Variants in ACVR2A observed in about 807,000 individuals in gnomAD.
The protein encoded by ACVR2A is activin A receptor type 2A, also known as activin receptor type-2A.
ACVR2A carries 7 observed loss-of-function variants against 61.4 expected under a neutral mutation model. The ratio of observed to expected loss-of-function variants is 0.11; its 90% CI spans 0.06 to 0.21. ACVR2A has a LOEUF of 0.21. Ranked by LOEUF, ACVR2A falls within the 10% of genes least tolerant of loss-of-function variation. The pLI is 1.00. For missense variants in ACVR2A, 322 were observed against 621.7 expected, an observed-to-expected ratio of 0.52 and a Z score of 5.13; for synonymous variants, 193 against 208.3, an observed-to-expected ratio of 0.93 and a Z score of 0.63.
intron 1 of ACVR2A, among the ~76,000 whole-genome samples, chr2:147,866,153 CAG>C (rs984395178): frequency 1.2e-4 from 19 of 152,142 alleles, no homozygotes; most frequent in South Asian, 4.2e-4. Flanking sequence ...ACTGAGAAAA[CAG>C]GGGAGTTAAT....
intron 1 of ACVR2A, among the ~76,000 whole-genome samples, chr2:147,869,440 G>T (rs1270917944): frequency 6.6e-6 from 1 of 152,078 alleles, no homozygotes; most frequent in South Asian, 2.1e-4. Context: ...GTTTAAATGT[G>T]GTGTTGTCAA....
intron 1 of ACVR2A, among the ~76,000 whole-genome samples, chr2:147,846,957 G>C (rs765273889): frequency 6.6e-6 from 1 of 152,046 alleles, no homozygotes; most frequent in Non-Finnish European, 1.5e-5. Flanking sequence ...GGTTATTCTT[G>C]AGCAGTCTCA....
At chr2:147,888,933 T>C (rs1489433468) in intron 1 of ACVR2A, among the ~76,000 whole-genome samples, 3 of 152,172 alleles carry the variant, frequency 2.0e-5, no homozygotes, top group Non-Finnish European at 4.4e-5. Context: ...TGACATCAAC[T>C]GTAGGTTTTT....
intron 1 of ACVR2A, among the ~76,000 whole-genome samples, chr2:147,878,334 T>G (rs905419717): frequency 6.6e-6 from 1 of 152,224 alleles, no homozygotes; most frequent in Non-Finnish European, 1.5e-5. Context: ...TCTTTTATAG[T>G]ACTTACGTAA....
intron 4 of ACVR2A, among the ~76,000 whole-genome samples, chr2:147,912,302 A>G (rs933192596): frequency 6.6e-5 from 10 of 152,002 alleles, no homozygotes; most frequent in African/African-American, 2.4e-4. Flanking sequence ...ATGAGTAAAG[A>G]AGAAATGTAA....
At chr2:147,893,986 A>C (rs991259209) in intron 1 of ACVR2A, among the ~76,000 whole-genome samples, 5 of 152,122 alleles carry the variant, frequency 3.3e-5, no homozygotes, top group African/African-American at 1.2e-4. Context: ...GAAGTTTAAT[A>C]GTTTCAGGTA....
At chr2:147,877,849 C>A (rs955526844) in intron 1 of ACVR2A, among the ~76,000 whole-genome samples, 12 of 152,320 alleles carry the variant, frequency 7.9e-5, no homozygotes, top group African/African-American at 2.6e-4. Context: ...CTAGTCTACA[C>A]TGTGTTGTCC....
chr2:147,859,755 C>T (rs1427869056), intron 1 of ACVR2A, among the ~76,000 whole-genome samples: 2 of 151,968 alleles, frequency 1.3e-5, no homozygotes, highest in Non-Finnish European at 2.9e-5. Context: ...CTCTTGATTT[C>T]TTGCTACAGT....
intron 1 of ACVR2A, 65 bp downstream of exon 1, chr2:147,845,272 C>A: frequency 5.3e-6 from 8 of 1,499,156 alleles, no homozygotes; most frequent in Non-Finnish European, 7.3e-6. Flanking sequence ...TGCTGGGGGC[C>A]GCGGCTGGTG....
intron 10 of ACVR2A, 135 bp from the exon 11 acceptor site, chr2:147,926,945 T>A (rs1375541375): frequency 1.3e-6 from 1 of 775,490 alleles, no homozygotes; most frequent in Non-Finnish European, 2.0e-6. Context: ...CTGCACATGG[T>A]AGTCAATAAA....
At chr2:147,895,971 T>C (rs1686723948) in intron 1 of ACVR2A, among the ~76,000 whole-genome samples, 1 of 152,170 alleles carries the variant, frequency 6.6e-6, no homozygotes, top group African/African-American at 2.4e-5. Context: ...GCTTAGTTTT[T>C]GTCCCACACA....
intron 4 of ACVR2A, among the ~76,000 whole-genome samples, chr2:147,909,204 C>G (rs1687059840): frequency 6.6e-6 from 1 of 152,134 alleles, no homozygotes; most frequent in Admixed American, 6.6e-5. Flanking sequence ...GGGAAATCTT[C>G]TCAGACTTTA....
At chr2:147,851,976 G>A (rs900681482) in intron 1 of ACVR2A, among the ~76,000 whole-genome samples, 1 of 151,878 alleles carries the variant, frequency 6.6e-6, no homozygotes, top group Non-Finnish European at 1.5e-5. Context: ...TACTCTGAAA[G>A]CTTTATGGTT....
intron 1 of ACVR2A, among the ~76,000 whole-genome samples, chr2:147,855,929 C>G (rs1011191240): frequency 6.6e-6 from 1 of 152,098 alleles, no homozygotes; most frequent in African/African-American, 2.4e-5. Flanking sequence ...AGCTTACCAC[C>G]TCTTTATTGT....
chr2:147,924,180 G>A (rs1687449431), intron 9 of ACVR2A, among the ~76,000 whole-genome samples: 1 of 152,074 alleles, frequency 6.6e-6, no homozygotes, highest in Non-Finnish European at 1.5e-5. Flanking sequence ...TGACATTTAT[G>A]ATGTGCATTT....
chr2:147,926,255 T>G (rs974316851), intron 10 of ACVR2A, 94 bp downstream of exon 10: 1 of 1,465,488 alleles, frequency 6.8e-7, no homozygotes, highest in Non-Finnish European at 9.3e-7. Flanking sequence ...CTTCTGCAAG[T>G]ATTTTCTGGA....
At chr2:147,910,510 CAGGAAGAAAATCTAGA>C (rs563340735) in intron 4 of ACVR2A, among the ~76,000 whole-genome samples, 18 of 152,176 alleles carry the variant, frequency 1.2e-4, no homozygotes, top group Middle Eastern at 3.4e-3. Context: ...ATCATTATCA[CAGGAAGAAAATCTAGA>C]AGGAAGAAAA....
chr2:147,909,235 T>G (rs1573700351), intron 4 of ACVR2A, among the ~76,000 whole-genome samples: 1 of 152,154 alleles, frequency 6.6e-6, no homozygotes, highest in African/African-American at 2.4e-5. Flanking sequence ...TAAGTCAGGT[T>G]TCTCTTTACA....
intron 10 of ACVR2A, 26 bp downstream of exon 10, chr2:147,926,187 T>G: frequency 8.2e-6 from 13 of 1,592,170 alleles, no homozygotes; most frequent in Non-Finnish European, 1.1e-5. Context: ...AGCTTTTCAT[T>G]TGAAATTCCA....
Sources: gnomAD v4.1 joint callset for allele counts (sites outside exome capture counted in the v4.1 genomes callset) on GRCh38, gnomAD v4.1.1 for gene constraint, MANE v1.5 for transcripts, NCBI Gene and HGNC (gene_info 2026-07-23, HGNC 2026-07-21) for gene names.